KCTD8: variants seen among roughly 807,000 people sequenced by gnomAD.
KCTD8 encodes the protein potassium channel tetramerization domain containing 8.
Under a neutral mutation model 31.5 loss-of-function variants are expected in KCTD8, and 27 were observed. The observed-to-expected ratio is 0.86, with a 90% CI of 0.63 to 1.18. KCTD8 has a LOEUF of 1.18. Ranked by LOEUF, KCTD8 falls within the 50% of genes most tolerant of loss-of-function variation. KCTD8 has a pLI of 0.00. For synonymous variants in KCTD8, 290 were observed against 280.0 expected (o/e 1.04, Z -0.36); for missense variants, 658 against 647.7 (o/e 1.02, Z -0.17).
intron 1 of KCTD8, among the ~76,000 whole-genome samples, chr4:44,194,998 G>A (rs1271007739): frequency 6.6e-6 from 1 of 150,824 alleles, no homozygotes; most frequent in Non-Finnish European, 1.5e-5. Context: ...TGGGATTACA[G>A]GCATGTACCA....
At chr4:44,417,221 G>A (rs948906637) in intron 1 of KCTD8, among the ~76,000 whole-genome samples, 4 of 152,110 alleles carry the variant, frequency 2.6e-5, no homozygotes, top group African/African-American at 9.7e-5. Context: ...AAATAGCTCA[G>A]GAGGATAAGT....
intron 1 of KCTD8, among the ~76,000 whole-genome samples, chr4:44,270,276 C>G (rs1463540687): frequency 1.3e-5 from 2 of 151,418 alleles, no homozygotes; most frequent in Non-Finnish European, 2.9e-5. Context: ...TCATTCTCAG[C>G]AAACTATCAC....
intron 1 of KCTD8, among the ~76,000 whole-genome samples, chr4:44,447,178 G>A (rs1721963535): frequency 6.6e-6 from 1 of 152,248 alleles, no homozygotes; most frequent in Admixed American, 6.5e-5. Flanking sequence ...CAGCAGTCCT[G>A]CAAAAGCAAA....
chr4:44,344,217 C>T (rs893693456), intron 1 of KCTD8, among the ~76,000 whole-genome samples: 10 of 151,888 alleles, frequency 6.6e-5, no homozygotes, highest in African/African-American at 2.4e-4. Context: ...CAAGGTCTCA[C>T]TCTGTCGCCC....
intron 1 of KCTD8, among the ~76,000 whole-genome samples, chr4:44,278,452 T>C (rs1359134684): frequency 6.6e-6 from 1 of 151,962 alleles, no homozygotes; most frequent in African/African-American, 2.4e-5. Context: ...AATATTAATA[T>C]AGTAGAATGG....
chr4:44,430,738 A>G (rs1721483085), intron 1 of KCTD8, among the ~76,000 whole-genome samples: 1 of 151,490 alleles, frequency 6.6e-6, no homozygotes, highest in Non-Finnish European at 1.5e-5. Context: ...AATATAATAA[A>G]CCAGACTCAC....
chr4:44,376,365 G>C (rs1719916365), intron 1 of KCTD8, among the ~76,000 whole-genome samples: 1 of 152,110 alleles, frequency 6.6e-6, no homozygotes, highest in Admixed American at 6.5e-5. Flanking sequence ...GGTTCCCAAG[G>C]CTAAGATTTG....
chr4:44,287,949 T>A (rs903033875), intron 1 of KCTD8, among the ~76,000 whole-genome samples: 1 of 152,108 alleles, frequency 6.6e-6, no homozygotes, highest in Non-Finnish European at 1.5e-5. Flanking sequence ...TTATAAGAAG[T>A]ATAGAGTATA....
chr4:44,283,044 T>C (rs1442376735), intron 1 of KCTD8, among the ~76,000 whole-genome samples: 21 of 88,880 alleles, frequency 2.4e-4, no homozygotes, highest in Non-Finnish European at 5.9e-4. Context: ...ATTATTATTA[T>C]TATTATTATT....
chr4:44,301,212 A>G (rs1032240979), intron 1 of KCTD8, among the ~76,000 whole-genome samples: 82 of 152,202 alleles, frequency 5.4e-4, no homozygotes, highest in Non-Finnish European at 9.6e-4. Flanking sequence ...CATAAGTTAT[A>G]GTCCTTTGGG....
chr4:44,447,700 T>C lies in KCTD8; in HGVS notation c.824A>G (p.Tyr275Cys), dbSNP rs1299154990. Residue 275 changes from tyrosine to cysteine, a missense_variant, in exon 1 of 2, where the codon TAC (tyrosine) becomes TGC (cysteine). Coordinates refer to ENST00000360029, the MANE Select transcript of KCTD8 (RefSeq NM_198353.3). Reference sequence around the variant, plus strand: ...CAGGCGATCAAAGGCCTGCTCCAAGTAGGTGAACTTGAGGTAGAAGCGGGA... The same window carrying C: ...CAGGCGATCAAAGGCCTGCTCCAAGCAGGTGAACTTGAGGTAGAAGCGGGA... ...YTSRFYLKFT[Y>C]LEQAFDRLSE... is the part of the protein sequence containing the mutation. 1 of 1,612,408 alleles carries C rather than the reference T, an allele frequency of 6.2e-7. No individual in the cohort carries two copies. Among genetic ancestry groups the C allele is most frequent in the Non-Finnish European group, 8.5e-7 (1 of 1,179,368 alleles).
At chr4:44,293,425 T>A (rs1383880710) in intron 1 of KCTD8, 1 of 455,824 alleles carries the variant, frequency 2.2e-6, no homozygotes, top group South Asian at 1.6e-5. Context: ...CATCTGGCCC[T>A]GGTTCTGCAT....
intron 1 of KCTD8, among the ~76,000 whole-genome samples, chr4:44,196,295 T>C (rs1713939805): frequency 6.6e-6 from 1 of 152,224 alleles, no homozygotes; most frequent in African/African-American, 2.4e-5. Flanking sequence ...TAAAGAGTTT[T>C]AGTAGAATGT....
At chr4:44,250,067 T>C (rs985583165) in intron 1 of KCTD8, among the ~76,000 whole-genome samples, 1 of 151,786 alleles carries the variant, frequency 6.6e-6, no homozygotes, top group Admixed American at 6.6e-5. Flanking sequence ...TTGTGCTTTT[T>C]AAAAAAATTC....
At chr4:44,233,755 C>A (rs1247049172) in intron 1 of KCTD8, among the ~76,000 whole-genome samples, 1 of 152,034 alleles carries the variant, frequency 6.6e-6, no homozygotes, top group Non-Finnish European at 1.5e-5. Context: ...AAAAGAAAAA[C>A]CATACATTAT....
intron 1 of KCTD8, among the ~76,000 whole-genome samples, chr4:44,225,391 T>C (rs1345215017): frequency 2.0e-5 from 3 of 152,236 alleles, no homozygotes; most frequent in Non-Finnish European, 4.4e-5. Flanking sequence ...AAGGTTTTAT[T>C]GGAACACAGT....
At chr4:44,384,656 G>T (rs1450721512) in intron 1 of KCTD8, among the ~76,000 whole-genome samples, 2 of 151,692 alleles carry the variant, frequency 1.3e-5, no homozygotes, top group African/African-American at 4.8e-5. Context: ...AACTGGGAAA[G>T]GTTGGTTAAT....
chr4:44,374,078 C>T (rs1236612244), intron 1 of KCTD8, among the ~76,000 whole-genome samples: 1 of 152,180 alleles, frequency 6.6e-6, no homozygotes, highest in African/African-American at 2.4e-5. Context: ...TCTCCAAAAT[C>T]AGTTTACTAT....
intron 1 of KCTD8, among the ~76,000 whole-genome samples, chr4:44,393,186 A>T (rs1276489386): frequency 6.6e-6 from 1 of 152,056 alleles, no homozygotes; most frequent in Admixed American, 6.6e-5. Context: ...TGGTATTTTC[A>T]GGAGCATTAT....
Sources: gnomAD v4.1 joint callset for allele counts (sites outside exome capture counted in the v4.1 genomes callset) on GRCh38, gnomAD v4.1.1 for gene constraint, MANE v1.5 for transcripts, NCBI Gene and HGNC (gene_info 2026-07-23, HGNC 2026-07-21) for gene names.